The following BPTF variants were observed in gnomAD, a reference collection of about 807,000 sequenced individuals.
BPTF encodes bromodomain PHD finger transcription factor.
Under a neutral mutation model 292.5 loss-of-function variants are expected in BPTF, and 18 were observed. The ratio of observed to expected loss-of-function variants is 0.06; its 90% confidence interval spans 0.04 to 0.09. The LOEUF is 0.09. Among genes scored for constraint, BPTF ranks in the 10% least tolerant of loss-of-function variants. The pLI is 1.00. For missense variants in BPTF, 2,726 were observed against 3,498.7 expected, an observed-to-expected ratio of 0.78 and a Z score of 5.57; for synonymous variants, 1,225 against 1,251.9, an observed-to-expected ratio of 0.98 and a Z score of 0.45.
At chr17:67,940,362 G>T (rs1441896289) in intron 18 of BPTF, 77 bp from the exon 19 acceptor site, 1 of 1,258,760 alleles carries the variant, frequency 7.9e-7, no homozygotes, top group Non-Finnish European at 1.1e-6. Context: ...ATACGTTCAT[G>T]TGAGGTGTTG....
At chr17:67,916,105 C>T (rs1053334866) in intron 11 of BPTF, among the ~76,000 whole-genome samples, 4 of 152,202 alleles carry the variant, frequency 2.6e-5, no homozygotes, top group African/African-American at 9.7e-5. Context: ...CCTCTTGGGA[C>T]ATCCCTGCAC....
At chr17:67,961,336 A>G (rs782005204) in intron 24 of BPTF, among the ~76,000 whole-genome samples, 4 of 152,058 alleles carry the variant, frequency 2.6e-5, no homozygotes, top group Admixed American at 2.6e-4. Context: ...TTCACTCCCT[A>G]TTTTAGTTGA....
At chr17:67,899,973 T>C in intron 7 of BPTF, among the ~76,000 whole-genome samples, 1 of 152,176 alleles carries the variant, frequency 6.6e-6, no homozygotes. Context: ...ATGTATTGGT[T>C]GTAGATAAAG....
intron 21 of BPTF, 78 bp from the exon 22 acceptor site, chr17:67,947,648 A>G (rs1022744637): frequency 1.2e-5 from 13 of 1,105,674 alleles, no homozygotes; most frequent in Non-Finnish European, 1.5e-5. Flanking sequence ...TATGTGCTCA[A>G]ATTTCTACTG....
intron 1 of BPTF, among the ~76,000 whole-genome samples, chr17:67,828,329 T>C (rs1567847175): frequency 6.6e-6 from 1 of 152,156 alleles, no homozygotes; most frequent in East Asian, 1.9e-4. Flanking sequence ...CTGAATTGCA[T>C]ACACCCCTGG....
At chr17:67,981,157 TCAAAACAAAA>T (rs538134114) in intron 27 of BPTF, among the ~76,000 whole-genome samples, 7 of 152,206 alleles carry the variant, frequency 4.6e-5, no homozygotes, top group South Asian at 4.1e-4. Context: ...AGACCTTGTT[TCAAAACAAAA>T]CAAAACAAAA....
chr17:67,881,158 T>C (rs933675086), intron 4 of BPTF, among the ~76,000 whole-genome samples: 4 of 151,892 alleles, frequency 2.6e-5, no homozygotes, highest in African/African-American at 9.7e-5. Flanking sequence ...TGATACCCAT[T>C]ATATTGAGTA....
At chr17:67,904,031 T>C (rs1441291469) in intron 8 of BPTF, 113 bp downstream of exon 8, 1 of 955,248 alleles carries the variant, frequency 1.0e-6, no homozygotes, top group Middle Eastern at 3.5e-4. Context: ...ATTTTATTTA[T>C]TTATTTATTT....
At chr17:67,882,942 C>T (rs2060511383) in intron 4 of BPTF, among the ~76,000 whole-genome samples, 1 of 146,212 alleles carries the variant, frequency 6.8e-6, no homozygotes, top group African/African-American at 2.6e-5. Context: ...AAGTTTCAGT[C>T]AACTGAGATC....
Position 67,961,691 on chromosome 17 carries a change from T to C in BPTF, c.8261+1816T>C, listed in dbSNP as rs76458000. Reference sequence around the variant, plus strand: ...GAGAGACCCCGTCTGTACAAAAAATTGGCCAGGCGTGGTGGCTAATGCCTG... The same window carrying C: ...GAGAGACCCCGTCTGTACAAAAAATCGGCCAGGCGTGGTGGCTAATGCCTG... On this transcript the variant is annotated intron_variant, in intron 24 of 27. Coordinates refer to ENST00000306378, the MANE Select transcript of BPTF (RefSeq NM_182641.4). Among the ~76,000 whole-genome samples the C allele has an allele frequency of 2.6e-5, 4 of 151,898 alleles. No individual in the cohort carries two copies. In the East Asian group the frequency reaches 7.7e-4, roughly 29 times the overall value.
intron 23 of BPTF, chr17:67,956,041 A>C (rs12325985): frequency 6.6e-6 from 1 of 151,794 alleles, no homozygotes; most frequent in Non-Finnish European, 1.5e-5. Context: ...GTCTCGGGCC[A>C]GGCGCAGTGG....
intron 18 of BPTF, chr17:67,936,636 A>G (rs989291889): frequency 6.6e-6 from 1 of 152,108 alleles, no homozygotes; most frequent in African/African-American, 2.4e-5. Context: ...GGTTTGTATG[A>G]TGAACTACCC....
At chr17:67,879,846 A>G (rs2145882239) in intron 4 of BPTF, among the ~76,000 whole-genome samples, 1 of 152,272 alleles carries the variant, frequency 6.6e-6, no homozygotes, top group Middle Eastern at 3.4e-3. Context: ...CTCACCCCCA[A>G]CACCCAACCC....
intron 1 of BPTF, among the ~76,000 whole-genome samples, chr17:67,847,069 A>C (rs2058080098): frequency 6.6e-6 from 1 of 152,172 alleles, no homozygotes; most frequent in Non-Finnish European, 1.5e-5. Context: ...TCTTAGTGGT[A>C]CTGGCTGTGA....
At chr17:67,839,156 ATTGCATTGTGTACCACCTCC>A (rs1567870164) in intron 1 of BPTF, among the ~76,000 whole-genome samples, 36 of 152,270 alleles carry the variant, frequency 2.4e-4, no homozygotes, top group African/African-American at 8.7e-4. Flanking sequence ...AAAGAAACAA[ATTGCATTGTGTACCACCTCC>A]AAAGCAATGT....
At chr17:67,959,209 C>T (rs2067232558) in intron 23 of BPTF, among the ~76,000 whole-genome samples, 1 of 151,680 alleles carries the variant, frequency 6.6e-6, no homozygotes, top group South Asian at 2.1e-4. Context: ...CTTGAAATCA[C>T]CTTCTGAGCA....
chr17:67,879,429 C>T (rs559682300), intron 4 of BPTF, among the ~76,000 whole-genome samples: 1 of 152,266 alleles, frequency 6.6e-6, no homozygotes, highest in South Asian at 2.1e-4. Context: ...CGTGAGCCAC[C>T]GCGCCCGGCT....
At chr17:67,867,289 G>GT (rs1230818170) in intron 3 of BPTF, among the ~76,000 whole-genome samples, 2 of 152,064 alleles carry the variant, frequency 1.3e-5, no homozygotes, top group Non-Finnish European at 2.9e-5. Context: ...TGGCATTCCA[G>GT]TTTTTAATTT....
intron 1 of BPTF, among the ~76,000 whole-genome samples, chr17:67,834,535 T>C (rs921103365): frequency 1.3e-5 from 2 of 152,194 alleles, no homozygotes; most frequent in African/African-American, 4.8e-5. Flanking sequence ...GATTTGTCTG[T>C]TTCTCCTTGA....
Sources: allele counts gnomAD v4.1 joint callset (sites outside exome capture counted in the v4.1 genomes callset), GRCh38; gene constraint gnomAD v4.1.1; transcripts MANE v1.5; gene names NCBI Gene and HGNC (gene_info 2026-07-23, HGNC 2026-07-21).